Variants in KLF17 observed in about 807,000 individuals in gnomAD.
KLF17 encodes the protein Krueppel-like factor 17.
A neutral mutation model predicts 34.2 loss-of-function variants in KLF17; 31 were observed. That is an observed-to-expected ratio of 0.91 (90% CI 0.68 to 1.22). The LOEUF (loss-of-function observed/expected upper bound fraction) is 1.22, where lower values mean the gene tolerates loss of function less well. KLF17 is among the 50% of genes most tolerant of loss of function. The probability of loss-of-function intolerance (pLI) is 0.00; values close to 1 mark genes in which losing one functional copy is unlikely to be tolerated. For synonymous variants in KLF17, 179 were observed against 186.7 expected, an observed-to-expected ratio of 0.96 and a Z score of 0.34; for missense variants, 478 against 505.2, an observed-to-expected ratio of 0.95 and a Z score of 0.52.
the KLF17 span, among the ~76,000 whole-genome samples, chr1:44,070,590 C>CTT: frequency 5.8e-3 from 457 of 78,676 alleles, 58 homozygotes; most frequent in Non-Finnish European, 8.2e-3. Flanking sequence ...TTTCCCTTGT[C>CTT]TTTTTTTTTT....
chr1:44,057,290 T>C, the KLF17 span, among the ~76,000 whole-genome samples: 114 of 152,272 alleles, frequency 7.5e-4, no homozygotes, highest in Middle Eastern at 0.014. Flanking sequence ...ATTCCAAATA[T>C]GGGTTCCTGG....
Position 44,130,776 on chromosome 1 carries a change from T to C in KLF17, c.*20T>C. The C allele has an allele frequency of 6.2e-7, 1 of 1,609,122 alleles. No homozygotes were observed. The highest frequency in any genetic ancestry group is 1.7e-5 in the Admixed American group (1 of 59,296). On this transcript the variant is annotated intron_variant, in intron 3 of 3. Coordinates refer to ENST00000372299, the MANE Select transcript of KLF17 (RefSeq NM_173484.4). ...CCTTAGGTCAGTCTCCTCTCCTCAT[T>C]CTGGGTTTTCTTTTTCCTTTTTTCC...
intron 1 of KLF17, among the ~76,000 whole-genome samples, chr1:44,124,655 C>T (rs1221176068): frequency 3.9e-5 from 6 of 151,996 alleles, no homozygotes; most frequent in East Asian, 1.9e-4. Flanking sequence ...CCACCTCGCC[C>T]GGCTAATTTT....
At chr1:44,078,502 A>G in the KLF17 span, among the ~76,000 whole-genome samples, 1 of 150,262 alleles carries the variant, frequency 6.7e-6, no homozygotes, top group African/African-American at 2.5e-5. Context: ...CAGTGGCGCA[A>G]TCTCGGCTCA....
chr1:44,086,343 G>A, the KLF17 span, among the ~76,000 whole-genome samples: 5 of 152,228 alleles, frequency 3.3e-5, no homozygotes, highest in Non-Finnish European at 5.9e-5. Context: ...GCGCATGCCT[G>A]TAATCCCGGC....
intron 1 of KLF17, among the ~76,000 whole-genome samples, chr1:44,125,046 A>T (rs2087992163): frequency 6.6e-6 from 1 of 152,256 alleles, no homozygotes; most frequent in East Asian, 1.9e-4. Context: ...TAGAAAACAA[A>T]AAGTGGAGTT....
At chr1:44,121,313 CTA>C (rs1491330842) in intron 1 of KLF17, among the ~76,000 whole-genome samples, 1 of 152,088 alleles carries the variant, frequency 6.6e-6, no homozygotes, top group Non-Finnish European at 1.5e-5. Flanking sequence ...CGGGATTTTG[CTA>C]TGTTTGTCAG....
At chr1:44,056,446 T>C in the KLF17 span, among the ~76,000 whole-genome samples, 2 of 152,156 alleles carry the variant, frequency 1.3e-5, no homozygotes, top group Non-Finnish European at 2.9e-5. Flanking sequence ...TTGGGAATCC[T>C]GATCTGGATT....
chr1:44,103,862 A>G, the KLF17 span: 2 of 785,458 alleles, frequency 2.5e-6, no homozygotes, highest in Admixed American at 1.8e-5. Flanking sequence ...CGGAGGTCTC[A>G]GTCTTTGTAT....
Position 44,134,811 on chromosome 1 carries a change from G to A in KLF17, c.*1574G>A, listed in dbSNP as rs2088150535. 6.6e-6 allele frequency: 1 copy of A among 152,184 alleles called. No individual in the cohort carries two copies. The highest frequency in any genetic ancestry group is 1.5e-5 in the Non-Finnish European group (1 of 68,042). The allele number at this position is 152,184 out of a possible 1,614,324, so 9.4% of individuals were successfully genotyped here. A position where few individuals can be genotyped will look rare whatever the true frequency, so the allele number is the denominator to read the frequency against. On this transcript the variant is annotated 3_prime_UTR_variant, in exon 4 of 4. Coordinates refer to ENST00000372299, the MANE Select transcript of KLF17 (RefSeq NM_173484.4). ...TGGCTAGGGTGTGAGAGTGGAGGTA[G>A]GGAGAAGTAGGAAAGTGATAGTTAA...
At chr1:44,077,452 T>C in the KLF17 span, among the ~76,000 whole-genome samples, 1 of 152,174 alleles carries the variant, frequency 6.6e-6, no homozygotes, top group African/African-American at 2.4e-5. Flanking sequence ...AAAACAATTA[T>C]TTTACTAGGC....
At chr1:44,126,063 A>G (rs34337863) in intron 1 of KLF17, among the ~76,000 whole-genome samples, 55,578 of 151,560 alleles carry the variant, frequency 0.37, 10,920 homozygotes, top group African/African-American at 0.52. Context: ...TTGCTGTGTC[A>G]CCCAGGCTGG....
At chr1:44,079,974 G>A in the KLF17 span, among the ~76,000 whole-genome samples, 3 of 151,634 alleles carry the variant, frequency 2.0e-5, no homozygotes, top group East Asian at 5.8e-4. Context: ...TGTCGCCCAG[G>A]CTGGAGTGCA....
the KLF17 span, among the ~76,000 whole-genome samples, chr1:44,067,098 A>T: frequency 6.6e-6 from 1 of 152,134 alleles, no homozygotes; most frequent in South Asian, 2.1e-4. Flanking sequence ...TATTATTTTT[A>T]AAAACAAACA....
At chr1:44,086,421 G>A in the KLF17 span, among the ~76,000 whole-genome samples, 2 of 152,164 alleles carry the variant, frequency 1.3e-5, no homozygotes, top group African/African-American at 2.4e-5. Context: ...AGCTGAGATC[G>A]CGCCATTGCG....
chr1:44,101,714 T>C, the KLF17 span: 2 of 152,192 alleles, frequency 1.3e-5, no homozygotes, highest in Non-Finnish European at 2.9e-5. Context: ...AATTGAATCA[T>C]ATAAAATGCT....
the KLF17 span, among the ~76,000 whole-genome samples, chr1:44,075,346 C>T: frequency 6.6e-6 from 1 of 152,104 alleles, no homozygotes; most frequent in African/African-American, 2.4e-5. Context: ...CTAAGGAGGG[C>T]ACACATTTTT....
At chr1:44,078,446 T>C in the KLF17 span, among the ~76,000 whole-genome samples, 1 of 151,652 alleles carries the variant, frequency 6.6e-6, no homozygotes, top group East Asian at 1.9e-4. Flanking sequence ...TCTTTTTTTT[T>C]TTTTTTTGAA....
chr1:44,135,033 A>T lies in KLF17; in HGVS notation c.*1796A>T, dbSNP rs2088152560. On this transcript the variant is annotated 3_prime_UTR_variant, in exon 4 of 4. Coordinates refer to ENST00000372299, the MANE Select transcript of KLF17 (RefSeq NM_173484.4). ...CATGTTAGGAAGGTCAAAAAAAAGGAAAAAAGAAAAATAATAAAAAATAAT... is the reference window on the plus strand; with the variant it reads ...CATGTTAGGAAGGTCAAAAAAAAGGTAAAAAGAAAAATAATAAAAAATAAT... The T allele has an allele frequency of 6.6e-6, 1 of 152,176 alleles. No individual in the cohort carries two copies. Among genetic ancestry groups the T allele is most frequent in the South Asian group, 2.1e-4 (1 of 4,830 alleles). The allele number at this position is 152,176 out of a possible 1,614,324, so 9.4% of individuals were successfully genotyped here.
Sources: allele counts gnomAD v4.1 joint callset (sites outside exome capture counted in the v4.1 genomes callset), GRCh38; gene constraint gnomAD v4.1.1; transcripts MANE v1.5; gene names NCBI Gene and HGNC (gene_info 2026-07-23, HGNC 2026-07-21).